Variants in RAB11FIP3 observed in about 807,000 individuals in gnomAD.
RAB11FIP3 encodes the protein RAB11 family interacting protein 3, also known as rab11 family-interacting protein 3.
In RAB11FIP3, 17 loss-of-function variants were observed where a neutral mutation model predicts 77.8. The observed-to-expected ratio is 0.22, with a 90% CI of 0.15 to 0.33. RAB11FIP3 has a LOEUF of 0.33. RAB11FIP3 is among the 10% of genes least tolerant of loss of function. The pLI is 1.00. For missense variants in RAB11FIP3, 1,005 were observed against 1,011.2 expected, an observed-to-expected ratio of 0.99 and a Z score of 0.08; for synonymous variants, 437 against 448.2, an observed-to-expected ratio of 0.98 and a Z score of 0.31.
At chr16:518,909 T>C (rs372601270) in intron 9 of RAB11FIP3, 34 bp from the exon 10 acceptor site, 1 of 1,610,610 alleles carries the variant, frequency 6.2e-7, no homozygotes. Flanking sequence ...GCGAGCTTCC[T>C]GGAGTGAGTT....
intron 1 of RAB11FIP3, among the ~76,000 whole-genome samples, chr16:438,582 G>A (rs757385066): frequency 1.5e-5 from 2 of 135,818 alleles, no homozygotes; most frequent in Admixed American, 7.4e-5. Flanking sequence ...ATTTTTGTAT[G>A]TTCATATTGG....
At chr16:441,590 C>T (rs2055227713) in intron 1 of RAB11FIP3, among the ~76,000 whole-genome samples, 1 of 152,200 alleles carries the variant, frequency 6.6e-6, no homozygotes, top group African/African-American at 2.4e-5. Context: ...CTAAATTGAT[C>T]TCACGCACGC....
Position 426,050 on chromosome 16 carries a change from C to T in RAB11FIP3, c.44C>T (p.Pro15Leu), listed in dbSNP as rs1296510546. The change falls in exon 1 of 14, where the codon CCG becomes CTG. Residue 15 changes from proline (P) to leucine (L), a missense_variant. By Grantham distance (98) the Pro-to-Leu change is moderately conservative (BLOSUM62 -3). Transcript: ENST00000262305. This position sits in a 1 kb window ranked among gnomAD's most constrained non-coding sequence, Gnocchi z 5.0. ...PPASPPGSEPPGPDPEPGGPD... is the reference protein window; with the variant it reads ...PPASPPGSEPLGPDPEPGGPD... ...GCCTCGCCCCCGGGCTCGGAGCCGCCGGGGCCCGACCCGGAGCCGGGCGGG... is the reference window on the plus strand; with the variant it reads ...GCCTCGCCCCCGGGCTCGGAGCCGCTGGGGCCCGACCCGGAGCCGGGCGGG... 15 of 998,060 alleles carry T rather than the reference C, an allele frequency of 1.5e-5. 1 individual carries two copies. In the South Asian group the frequency reaches 4.9e-4, roughly 33 times the overall value. The allele number at this position is 998,060 out of a possible 1,614,324, so 61.8% of individuals were successfully genotyped here. A position where few individuals can be genotyped will look rare whatever the true frequency, so the allele number is the denominator to read the frequency against.
chr16:437,388 G>A (rs2055147629), intron 1 of RAB11FIP3, among the ~76,000 whole-genome samples: 1 of 151,444 alleles, frequency 6.6e-6, no homozygotes, highest in African/African-American at 2.4e-5. Flanking sequence ...GGCCAACATG[G>A]TGAAACCCCA....
intron 1 of RAB11FIP3, among the ~76,000 whole-genome samples, chr16:427,771 G>A (rs2141833386): frequency 6.6e-6 from 1 of 152,240 alleles, no homozygotes; most frequent in East Asian, 1.9e-4. Flanking sequence ...AGGTAAAATT[G>A]GCACACTGCT....
chr16:469,990 TTTTC>T lies in RAB11FIP3; in HGVS notation c.809-1293_809-1290del, dbSNP rs1032785487. Among the ~76,000 whole-genome samples the T allele has an allele frequency of 3.9e-5, 6 of 152,186 alleles. No individual in the cohort carries two copies. In the South Asian group the frequency reaches 8.3e-4, roughly 21 times the overall value. ...ATGTCCAGCTGATTTTTTTCTTTTCTTTTCTTTCTTTCTTTTTTTTTTGAGATGG... is the reference window on the plus strand; with the variant it reads ...ATGTCCAGCTGATTTTTTTCTTTTCTTTTCTTTCTTTTTTTTTTGAGATGG... On this transcript the variant is annotated intron_variant, in intron 2 of 13. Transcript: ENST00000262305.
At chr16:431,107 G>GGT (rs140524774) in intron 1 of RAB11FIP3, among the ~76,000 whole-genome samples, 20 of 151,702 alleles carry the variant, frequency 1.3e-4, no homozygotes, top group Admixed American at 3.3e-4. Flanking sequence ...TATGTGAGCT[G>GGT]GTGTGTGTGT....
rs375793202 is a variant in RAB11FIP3, at chr16:520,837, T to A, written c.2269T>A (p.Ter757LysextTer7). Residue 757 changes from the stop codon to lysine (K), a stop_lost, in exon 14 of 14, where the codon TAG becomes AAG. Transcript: ENST00000262305. ...ETNPSILEVK[*>K] ...CAACCCGTCCATCCTGGAGGTCAAG[T>A]AGAGGCAGGAAGGTCCAGCCTGAGC... 1.2e-5 allele frequency: 19 copies of A among 1,612,628 alleles called. No individual in the cohort carries two copies. Among genetic ancestry groups the A allele is most frequent in the African/African-American group, 2.7e-5 (2 of 74,850 alleles).
intron 9 of RAB11FIP3, among the ~76,000 whole-genome samples, chr16:511,156 G>A (rs1300437824): frequency 2.6e-5 from 2 of 75,654 alleles, no homozygotes; most frequent in South Asian, 6.3e-4. Flanking sequence ...GAAGTTCCCC[G>A]ACGGCCCGCC....
intron 12 of RAB11FIP3, 32 bp from the exon 13 acceptor site, chr16:520,427 A>C (rs186329532): frequency 1.4e-5 from 23 of 1,610,348 alleles, no homozygotes; most frequent in Non-Finnish European, 1.9e-5. Flanking sequence ...AGCAGGGGCC[A>C]CAGCCCAGTA....
intron 6 of RAB11FIP3, among the ~76,000 whole-genome samples, chr16:501,549 CAAGG>C (rs1161603956): frequency 1.5e-5 from 2 of 131,396 alleles, no homozygotes; most frequent in African/African-American, 2.9e-5. Context: ...ATTTCACAGG[CAAGG>C]AAGCTGGGAG....
In RAB11FIP3 at chr16:506,238, G is replaced by A. The variant is rs2031870161; in HGVS notation, c.1499+611G>A. ...GTGTAATTCTCGGTGTTTTTCACACGAGGCACGCCATGTTGTCTCATAGCC... is the reference window on the plus strand; with the variant it reads ...GTGTAATTCTCGGTGTTTTTCACACAAGGCACGCCATGTTGTCTCATAGCC... On this transcript the variant is annotated intron_variant, in intron 8 of 13. Coordinates refer to ENST00000262305, the MANE Select transcript of RAB11FIP3 (RefSeq NM_014700.4). The surrounding 1 kb of genome is among the most constrained non-coding windows in gnomAD (Gnocchi z 4.5). 6.7e-6 allele frequency among the ~76,000 whole-genome samples: 1 copy of A among 149,408 alleles called. No homozygotes were observed. The highest frequency in any genetic ancestry group is 1.5e-5 in the Non-Finnish European group (1 of 67,096).
At chr16:487,919 C>G (rs1030236012) in intron 4 of RAB11FIP3, among the ~76,000 whole-genome samples, 1 of 152,106 alleles carries the variant, frequency 6.6e-6, no homozygotes, top group Non-Finnish European at 1.5e-5. Context: ...CAGCAGCTCC[C>G]TAGGGAAGAG....
intron 5 of RAB11FIP3, among the ~76,000 whole-genome samples, chr16:489,700 C>T (rs879570616): frequency 2.6e-5 from 4 of 152,254 alleles, no homozygotes; most frequent in African/African-American, 7.2e-5. Flanking sequence ...CTTTAAGCAG[C>T]CACAAGAGTC....
rs1227586843 is a variant in RAB11FIP3 at position 461,964 on chromosome 16, G to T, written c.808+467G>T. ...CGCGCACACCGCCCTGAACACTGCA[G>T]CCCGTACCACCATCGTTCCCTAGAG... is the stretch of plus-strand genomic sequence containing the variant. On this transcript the variant is annotated intron_variant, in intron 2 of 13. Coordinates refer to ENST00000262305, the MANE Select transcript of RAB11FIP3 (RefSeq NM_014700.4). The surrounding 1 kb of genome is among the most constrained non-coding windows in gnomAD (Gnocchi z 4.5). 6.6e-6 allele frequency among the ~76,000 whole-genome samples: 1 copy of T among 152,200 alleles called. No individual in the cohort carries two copies. The highest frequency in any genetic ancestry group is 2.4e-5 in the African/African-American group (1 of 41,452).
In RAB11FIP3 at chr16:471,324, G is replaced by T. The variant is rs774006830; in HGVS notation, c.838G>T (p.Ala280Ser). 1 of 1,613,972 alleles carries T rather than the reference G, an allele frequency of 6.2e-7. No individual in the cohort carries two copies. Among genetic ancestry groups the T allele is most frequent in the Non-Finnish European group, 8.5e-7 (1 of 1,179,904 alleles). The stretch of plus-strand genomic sequence containing the variant: ...TGATGGCCAGTGCTACGGTGGTGTC[G>T]CTTCTGCCCAAGATGAGGAGCCCCT... ...DPDGQCYGGV[A>S]SAQDEEPLAC... is the part of the protein sequence containing the mutation. The change falls in exon 3 of 14, where the codon GCT becomes TCT. Residue 280 changes from alanine (A) to serine (S), a missense_variant. By Grantham distance (99) the Ala-to-Ser change is moderately conservative (BLOSUM62 1). Around this residue, in one of 4 missense-constraint regions of RAB11FIP3, gnomAD observed 466 missense variants for 408.3 expected, o/e 1.14. Transcript: ENST00000262305. This position sits in a 1 kb window ranked among gnomAD's most constrained non-coding sequence, Gnocchi z 4.4.
intron 5 of RAB11FIP3, 174 bp downstream of exon 5, chr16:489,174 G>A: frequency 1.2e-6 from 1 of 812,110 alleles, no homozygotes; most frequent in Non-Finnish European, 1.9e-6. Flanking sequence ...ATGAAAGTTG[G>A]GAGAAGTCCC....
chr16:493,688 C>G (rs952971907), intron 5 of RAB11FIP3, among the ~76,000 whole-genome samples: 3 of 151,992 alleles, frequency 2.0e-5, no homozygotes, highest in African/African-American at 2.4e-5. Context: ...CTCACTGCAA[C>G]CTCTGCCTCC....
intron 8 of RAB11FIP3, among the ~76,000 whole-genome samples, chr16:508,996 T>G (rs1039066011): frequency 1.3e-5 from 2 of 151,774 alleles, no homozygotes; most frequent in African/African-American, 4.8e-5. Flanking sequence ...CTCTGCCTCC[T>G]GGGTTCAAAT....
Sources: gnomAD v4.1 joint callset for allele counts (sites outside exome capture counted in the v4.1 genomes callset) on GRCh38, gnomAD v4.1.1 for gene constraint, gnomAD v4.1.1 regional missense constraint, Gnocchi (gnomAD v3.1) non-coding constraint, MANE v1.5 for transcripts, NCBI Gene and HGNC (gene_info 2026-07-23, HGNC 2026-07-21) for gene names.